HMGN5: variants seen among roughly 807,000 people sequenced by gnomAD.
HMGN5 encodes the protein high mobility group nucleosome binding domain 5, also known as high mobility group nucleosome-binding domain-containing protein 5.
A neutral mutation model predicts 9.5 loss-of-function variants in HMGN5; 4 were observed. The ratio of observed to expected loss-of-function variants is 0.42; its 90% CI spans 0.21 to 0.96. The LOEUF (loss-of-function observed/expected upper bound fraction) is 0.96. Among genes scored for constraint, HMGN5 ranks in the 40% least tolerant of loss-of-function variants. The pLI is 0.30. For missense variants in HMGN5, 192 were observed against 187.5 expected (o/e 1.02, Z -0.14); for synonymous variants, 55 against 57.1 (o/e 0.96, Z 0.16).
chrX:81,164,941 T>A (rs771447558), intron 1 of HMGN5, among the ~76,000 whole-genome samples: 33 of 111,338 alleles, frequency 3.0e-4, no homozygotes, highest in African/African-American at 1.0e-3. Flanking sequence ...CAGTTTTTTT[T>A]AAACTGATGT....
intron 1 of HMGN5, among the ~76,000 whole-genome samples, chrX:81,151,590 T>A (rs2075362804): frequency 9.0e-6 from 1 of 111,428 alleles, no homozygotes; most frequent in African/African-American, 3.3e-5. Flanking sequence ...GCATGGAATG[T>A]TCTTCCATTT....
At chrX:81,140,171 G>A (rs188410900) in intron 1 of HMGN5, among the ~76,000 whole-genome samples, 1 of 111,637 alleles carries the variant, frequency 9.0e-6, no homozygotes, top group East Asian at 2.8e-4. Context: ...CAGCAGGAAA[G>A]GGCACCAGAG....
chrX:81,153,186 A>G (rs2075369668), intron 1 of HMGN5, among the ~76,000 whole-genome samples: 1 of 109,122 alleles, frequency 9.2e-6, no homozygotes, highest in South Asian at 4.1e-4. Flanking sequence ...AGAAAACTAT[A>G]GGCCAATATC....
intron 1 of HMGN5, among the ~76,000 whole-genome samples, chrX:81,139,018 T>A (rs2147552218): frequency 8.9e-6 from 1 of 111,737 alleles, no homozygotes; most frequent in South Asian, 3.7e-4. Flanking sequence ...AATGAAAAAC[T>A]CAGTATATAA....
intron 5 of HMGN5, 71 bp downstream of exon 5, chrX:81,118,361 G>A: frequency 1.7e-6 from 1 of 604,642 alleles, no homozygotes; most frequent in Admixed American, 3.2e-5. Flanking sequence ...ATGATCAGCT[G>A]TATGCCATTT....
At chrX:81,140,549 G>A (rs1386221296) in intron 1 of HMGN5, among the ~76,000 whole-genome samples, 1 of 74,901 alleles carries the variant, frequency 1.3e-5, no homozygotes, top group Admixed American at 1.9e-4. Context: ...GACAGAGCGA[G>A]ACTCTGTCTC....
chrX:81,164,854 G>A (rs768425373), intron 1 of HMGN5, among the ~76,000 whole-genome samples: 1 of 111,309 alleles, frequency 9.0e-6, no homozygotes, highest in South Asian at 3.8e-4. Flanking sequence ...TATCAGCTGA[G>A]CTGTGGAAGG....
At chrX:81,153,124 A>T (rs2075369167) in intron 1 of HMGN5, among the ~76,000 whole-genome samples, 1 of 108,689 alleles carries the variant, frequency 9.2e-6, no homozygotes, top group South Asian at 4.1e-4. Flanking sequence ...GTGCACATGT[A>T]CCCTAAAACT....
chrX:81,123,293 T>C (rs2075274161), intron 1 of HMGN5, among the ~76,000 whole-genome samples: 1 of 111,082 alleles, frequency 9.0e-6, no homozygotes, highest in African/African-American at 3.3e-5. Context: ...TCAGGTAGAA[T>C]GAGCCTGCGT....
intron 5 of HMGN5, among the ~76,000 whole-genome samples, chrX:81,117,001 T>C (rs1181344193): frequency 9.0e-6 from 1 of 110,999 alleles, no homozygotes; most frequent in Non-Finnish European, 1.9e-5. Flanking sequence ...GATGTGATCT[T>C]GAGCAAAGGC....
At chrX:81,184,144 A>G (rs943657412) in intron 1 of HMGN5, among the ~76,000 whole-genome samples, 7 of 111,463 alleles carry the variant, frequency 6.3e-5, no homozygotes, top group African/African-American at 2.3e-4. Context: ...GTAATAGCCA[A>G]TGTTGGAGAA....
intron 1 of HMGN5, among the ~76,000 whole-genome samples, chrX:81,169,107 G>C (rs1342064017): frequency 3.6e-5 from 4 of 111,743 alleles, no homozygotes; most frequent in African/African-American, 1.3e-4. Flanking sequence ...TCTAAGGTAA[G>C]AGAACAAGGA....
chrX:81,139,472 A>C (rs2075321573), intron 1 of HMGN5, among the ~76,000 whole-genome samples: 1 of 111,259 alleles, frequency 9.0e-6, no homozygotes, highest in Non-Finnish European at 1.9e-5. Context: ...TCTTCCCCGC[A>C]AGGACAGTAA....
chrX:81,122,591 T>C (rs1189497153), intron 1 of HMGN5, among the ~76,000 whole-genome samples: 1 of 111,798 alleles, frequency 8.9e-6, no homozygotes, highest in African/African-American at 3.3e-5. Context: ...TTTATTTAAA[T>C]TTTTGATATT....
chrX:81,160,250 A>G (rs1332213045), intron 1 of HMGN5, among the ~76,000 whole-genome samples: 2 of 112,323 alleles, frequency 1.8e-5, no homozygotes, highest in African/African-American at 6.5e-5. Context: ...TATAAGATCA[A>G]TAGAAATCCC....
intron 6 of HMGN5, 92 bp downstream of exon 6, chrX:81,116,112 C>T: frequency 1.5e-6 from 1 of 657,736 alleles, no homozygotes. Context: ...AATTTTTTTC[C>T]AACTTATAAA....
In HMGN5 at chrX:81,144,746, C is replaced by A. The variant is rs145120930; in HGVS notation, c.-123-23074G>T. Among the ~76,000 whole-genome samples, 4 of 110,998 alleles carry A rather than the reference C, an allele frequency of 3.6e-5. No individual in the cohort carries two copies. The East Asian group carries it at 1.1e-3, about 32-fold the overall frequency. ...TAACCCAATCCAAGGAAGCTAGGAA[C>A]CTTGAAAAAAGGTTAGATGAATTGC... is the stretch of plus-strand genomic sequence containing the variant. On this transcript the variant is annotated intron_variant, in intron 1 of 6. Transcript: ENST00000358130.
intron 1 of HMGN5, among the ~76,000 whole-genome samples, chrX:81,200,855 AT>A (rs1450062684): frequency 4.1e-4 from 46 of 111,594 alleles, no homozygotes; most frequent in African/African-American, 1.4e-3. Flanking sequence ...TTAAAGTATA[AT>A]TAAAAAAAAA....
intron 1 of HMGN5, among the ~76,000 whole-genome samples, chrX:81,149,889 G>A: frequency 9.0e-6 from 1 of 111,679 alleles, no homozygotes; most frequent in East Asian, 2.8e-4. Context: ...ACCCAACCTG[G>A]AGCACCTGGA....
Sources: gnomAD v4.1 joint callset for allele counts (sites outside exome capture counted in the v4.1 genomes callset) on GRCh38, gnomAD v4.1.1 for gene constraint, MANE v1.5 for transcripts, NCBI Gene and HGNC (gene_info 2026-07-23, HGNC 2026-07-21) for gene names.